The following ADGRL3 variants were observed in gnomAD, a reference collection of about 807,000 sequenced individuals.
The protein encoded by ADGRL3 is calcium-independent alpha-latrotoxin receptor 3.
A neutral mutation model predicts 153.5 loss-of-function variants in ADGRL3; 62 were observed. The observed-to-expected ratio is 0.40, with a 90% CI of 0.33 to 0.50. ADGRL3 has a LOEUF of 0.50. Among genes scored for constraint, ADGRL3 ranks in the 20% least tolerant of loss-of-function variants. The pLI is 0.47. For synonymous variants in ADGRL3, 710 were observed against 672.5 expected, an observed-to-expected ratio of 1.06 and a Z score of -0.86; for missense variants, 1,641 against 1,859.4, an observed-to-expected ratio of 0.88 and a Z score of 2.16.
rs138128726 is a variant in ADGRL3, at chr4:61,417,654, A to C, written c.-174+34465A>C. Among the ~76,000 whole-genome samples the C allele has an allele frequency of 1.3e-4, 19 of 151,872 alleles. No homozygotes were observed. In the East Asian group the frequency reaches 3.7e-3, roughly 29 times the overall value. On this transcript the variant is annotated intron_variant, in intron 2 of 26. Coordinates refer to ENST00000683033, the MANE Select transcript of ADGRL3 (RefSeq NM_001387552.1). ...AAAAAATTTAGAAAAACCTTCTTTA[A>C]CGTTTAATAAAATAATAATCGATGT...
At chr4:61,593,628 A>C (rs1019639600) in intron 5 of ADGRL3, among the ~76,000 whole-genome samples, 3 of 152,098 alleles carry the variant, frequency 2.0e-5, no homozygotes, top group African/African-American at 7.2e-5. Flanking sequence ...CCTGGCCTGT[A>C]AAGTTCCCAC....
chr4:62,004,507 G>A (rs1190079418), intron 21 of ADGRL3, among the ~76,000 whole-genome samples: 3 of 151,676 alleles, frequency 2.0e-5, no homozygotes, highest in Admixed American at 6.6e-5. Context: ...TAAGAAGGAG[G>A]CTCAAAATTG....
chr4:61,478,751 T>G (rs2098096548), intron 2 of ADGRL3, among the ~76,000 whole-genome samples: 1 of 152,064 alleles, frequency 6.6e-6, no homozygotes, highest in South Asian at 2.1e-4. Flanking sequence ...AAATTTGCCC[T>G]TAAGTATTGA....
chr4:61,659,999 G>A (rs1347919101), intron 5 of ADGRL3, among the ~76,000 whole-genome samples: 1 of 151,974 alleles, frequency 6.6e-6, no homozygotes. Context: ...GATATTGGGG[G>A]GACAGAGGAG....
chr4:61,334,485 G>A (rs2095637542), intron 1 of ADGRL3, among the ~76,000 whole-genome samples: 1 of 152,152 alleles, frequency 6.6e-6, no homozygotes, highest in South Asian at 2.1e-4. Flanking sequence ...TGGTGTCAAA[G>A]AAGGATCCAG....
intron 1 of ADGRL3, among the ~76,000 whole-genome samples, chr4:61,303,460 T>C (rs547994637): frequency 6.8e-6 from 1 of 147,060 alleles, no homozygotes. Context: ...ATTTGCCAGG[T>C]TTTTTTTTTT....
chr4:61,925,693 A>G (rs1196495046), intron 13 of ADGRL3, among the ~76,000 whole-genome samples: 1 of 152,038 alleles, frequency 6.6e-6, no homozygotes, highest in Non-Finnish European at 1.5e-5. Context: ...GCAAGAACTC[A>G]CTCACTATAG....
At chr4:61,472,922 C>A (rs894208859) in intron 2 of ADGRL3, among the ~76,000 whole-genome samples, 10 of 152,196 alleles carry the variant, frequency 6.6e-5, no homozygotes, top group Non-Finnish European at 1.3e-4. Context: ...GGTACATTTT[C>A]TTTTGTCCCT....
At chr4:61,556,340 G>C (rs185743514) in intron 4 of ADGRL3, among the ~76,000 whole-genome samples, 4 of 152,206 alleles carry the variant, frequency 2.6e-5, no homozygotes, top group Admixed American at 1.3e-4. Flanking sequence ...GAAGGAACAA[G>C]GAGTACAAAA....
intron 3 of ADGRL3, among the ~76,000 whole-genome samples, chr4:61,504,351 A>T (rs335287): frequency 1.1e-3 from 173 of 151,866 alleles, no homozygotes; most frequent in African/African-American, 3.8e-3. Context: ...GAATTTTTTT[A>T]AAAAAATAAT....
chr4:61,937,488 C>CT (rs1224232048), intron 15 of ADGRL3, among the ~76,000 whole-genome samples: 1 of 151,290 alleles, frequency 6.6e-6, no homozygotes, highest in African/African-American at 2.4e-5. Flanking sequence ...CTATCATTCA[C>CT]TTTTTAGAAT....
intron 8 of ADGRL3, among the ~76,000 whole-genome samples, chr4:61,762,673 A>G (rs971558602): frequency 1.1e-4 from 17 of 152,200 alleles, no homozygotes; most frequent in African/African-American, 4.1e-4. Context: ...TTTCCTAAGC[A>G]AAGATCTGAT....
At chr4:61,813,966 T>C (rs2097659477) in intron 9 of ADGRL3, 77 bp downstream of exon 9, 1 of 1,560,882 alleles carries the variant, frequency 6.4e-7, no homozygotes, top group Non-Finnish European at 8.7e-7. Flanking sequence ...TACATATGTA[T>C]TTTGTAATGC....
intron 8 of ADGRL3, among the ~76,000 whole-genome samples, chr4:61,771,669 C>T (rs953524385): frequency 1.3e-5 from 2 of 152,166 alleles, no homozygotes; most frequent in Non-Finnish European, 2.9e-5. Context: ...GTCCTTCTGC[C>T]TCAGCCTCCC....
Position 61,759,112 on chromosome 4 carries a change from ATT to A in ADGRL3, c.1399+25563_1399+25564del, listed in dbSNP as rs2096876106. 2.0e-5 allele frequency among the ~76,000 whole-genome samples: 3 copies of A among 151,862 alleles called. No homozygotes were observed. In the South Asian group the frequency reaches 6.3e-4, roughly 32 times the overall value. ...GCCTTTCTTTCTGGCTGCCCTTAAC[ATT>A]TTTTCCTTCATTTCAACTTTGGTAA... On this transcript the variant is annotated intron_variant, in intron 8 of 26. Coordinates refer to ENST00000683033, the MANE Select transcript of ADGRL3 (RefSeq NM_001387552.1).
intron 8 of ADGRL3, among the ~76,000 whole-genome samples, chr4:61,758,589 G>T (rs1419496843): frequency 6.6e-6 from 1 of 151,970 alleles, no homozygotes; most frequent in Non-Finnish European, 1.5e-5. Context: ...ATAAGAGATG[G>T]GTTTCCTGAA....
chr4:61,515,863 G>T (rs896328515), intron 3 of ADGRL3, among the ~76,000 whole-genome samples: 4 of 152,138 alleles, frequency 2.6e-5, no homozygotes, highest in Non-Finnish European at 4.4e-5. Context: ...GTTCAGAAAT[G>T]ATGCCACTAG....
intron 2 of ADGRL3, among the ~76,000 whole-genome samples, chr4:61,440,375 G>A (rs372549410): frequency 6.6e-5 from 10 of 152,258 alleles, no homozygotes; most frequent in African/African-American, 1.9e-4. Flanking sequence ...ACAATTTGTG[G>A]TTCTTGCGTT....
chr4:61,550,481 G>GCA (rs2098735121), intron 4 of ADGRL3, among the ~76,000 whole-genome samples: 1 of 151,930 alleles, frequency 6.6e-6, no homozygotes, highest in Non-Finnish European at 1.5e-5. Context: ...ATGCATGCAT[G>GCA]TGTATATACC....
Sources: allele counts gnomAD v4.1 joint callset (sites outside exome capture counted in the v4.1 genomes callset), GRCh38; gene constraint gnomAD v4.1.1; transcripts MANE v1.5; gene names NCBI Gene and HGNC (gene_info 2026-07-23, HGNC 2026-07-21).